The following FER variants were observed in gnomAD, a reference collection of about 807,000 sequenced individuals.
The protein encoded by FER is FER tyrosine kinase.
A neutral mutation model predicts 111.0 loss-of-function variants in FER; 63 were observed. That is an observed-to-expected ratio of 0.57 (90% CI 0.46 to 0.70). The LOEUF (loss-of-function observed/expected upper bound fraction) is 0.70. FER is among the 30% of genes least tolerant of loss of function. The pLI, the probability that FER is intolerant of heterozygous loss-of-function variation, is 0.00. For missense variants in FER, 914 were observed against 954.0 expected, an observed-to-expected ratio of 0.96 and a Z score of 0.55; for synonymous variants, 327 against 313.9, an observed-to-expected ratio of 1.04 and a Z score of -0.44.
chr5:108,894,349 G>T, intron 9 of FER: 1 of 988,484 alleles, frequency 1.0e-6, no homozygotes, highest in Non-Finnish European at 1.3e-6. Context: ...AGCCATCACT[G>T]TTTCTGCTGC....
At position 109,188,959 on chromosome 5, in the gene FER, TAGAC is replaced by T. The variant is rs886801098; in HGVS notation, c.*1387_*1390del. 6.6e-6 allele frequency: 1 copy of T among 152,184 alleles called. No individual in the cohort carries two copies. Among genetic ancestry groups the T allele is most frequent in the Non-Finnish European group, 1.5e-5 (1 of 68,034 alleles). The allele number at this position is 152,184 out of a possible 1,614,324, so 9.4% of individuals were successfully genotyped here. On this transcript the variant is annotated 3_prime_UTR_variant, in exon 20 of 20. Transcript: ENST00000281092. ...AGGTGCAAGACAGATGTGAATGAAG[TAGAC>T]AGTCTAGAAGTCAGGTGAATATTAA...
chr5:108,775,741 G>C (rs1753418099), intron 2 of FER, among the ~76,000 whole-genome samples: 1 of 152,046 alleles, frequency 6.6e-6, no homozygotes, highest in Non-Finnish European at 1.5e-5. Flanking sequence ...AGCATAGGAG[G>C]AGTTTTAAAT....
intron 1 of FER, among the ~76,000 whole-genome samples, chr5:108,764,397 A>G (rs1198019500): frequency 6.6e-6 from 1 of 151,798 alleles, no homozygotes. Context: ...TAATTTTATT[A>G]TTTATTTATT....
At chr5:109,184,988 A>ATCTT (rs1758700757) in intron 18 of FER, among the ~76,000 whole-genome samples, 1 of 152,240 alleles carries the variant, frequency 6.6e-6, no homozygotes, top group South Asian at 2.1e-4. Flanking sequence ...AACTTAAGAA[A>ATCTT]TCTTTAACAC....
intron 9 of FER, 23 bp from the exon 10 acceptor site, chr5:108,897,636 C>G: frequency 2.0e-6 from 3 of 1,482,446 alleles, no homozygotes; most frequent in South Asian, 2.9e-5. Flanking sequence ...AAGTTGAAAT[C>G]ATTTATATTT....
At chr5:108,916,646 C>T (rs1206063509) in intron 10 of FER, among the ~76,000 whole-genome samples, 1 of 151,898 alleles carries the variant, frequency 6.6e-6, no homozygotes, top group Non-Finnish European at 1.5e-5. Flanking sequence ...ATATAGTGAA[C>T]CTTTTCCAAT....
chr5:109,134,103 A>G (rs796132525), intron 17 of FER, among the ~76,000 whole-genome samples: 40 of 152,254 alleles, frequency 2.6e-4, no homozygotes, highest in African/African-American at 8.9e-4. Context: ...AAAGGATAAA[A>G]GAATGTTTCC....
chr5:108,786,016 G>A (rs1754678355), intron 2 of FER, among the ~76,000 whole-genome samples: 1 of 152,208 alleles, frequency 6.6e-6, no homozygotes, highest in African/African-American at 2.4e-5. Flanking sequence ...ACCACAAGCT[G>A]GGTTTTCCTT....
intron 11 of FER, among the ~76,000 whole-genome samples, chr5:108,947,802 A>G (rs1757182268): frequency 6.6e-6 from 1 of 151,692 alleles, no homozygotes; most frequent in African/African-American, 2.4e-5. Context: ...TTAGAGTTTT[A>G]TTCTTCCACT....
intron 17 of FER, among the ~76,000 whole-genome samples, chr5:109,174,856 A>G (rs1757513284): frequency 6.6e-6 from 1 of 152,196 alleles, no homozygotes; most frequent in African/African-American, 2.4e-5. Flanking sequence ...GAAGCATAGT[A>G]GGTGGCTAAA....
intron 5 of FER, among the ~76,000 whole-genome samples, chr5:108,844,144 G>GTGTGTGAACACA (rs144419600): frequency 1.1e-5 from 1 of 91,828 alleles, no homozygotes; most frequent in African/African-American, 4.5e-5. Context: ...GAACATATAT[G>GTGTGTGAACACA]TGTGTGTGAA....
intron 17 of FER, among the ~76,000 whole-genome samples, chr5:109,137,687 C>T (rs1355856322): frequency 6.6e-6 from 1 of 152,078 alleles, no homozygotes; most frequent in Non-Finnish European, 1.5e-5. Context: ...GAAAGATAGG[C>T]GGGTTGGTGT....
At chr5:108,996,731 C>T (rs1764029662) in intron 13 of FER, among the ~76,000 whole-genome samples, 1 of 152,084 alleles carries the variant, frequency 6.6e-6, no homozygotes, top group South Asian at 2.1e-4. Context: ...CTAGGATTGT[C>T]TTGGCTGTGT....
intron 9 of FER, among the ~76,000 whole-genome samples, chr5:108,889,842 G>T (rs1201561132): frequency 1.3e-5 from 2 of 151,804 alleles, no homozygotes; most frequent in Non-Finnish European, 2.9e-5. Context: ...CACCTCACCA[G>T]AGGAAGCGTG....
At chr5:108,843,320 G>A (rs1185492938) in intron 5 of FER, among the ~76,000 whole-genome samples, 3 of 152,046 alleles carry the variant, frequency 2.0e-5, no homozygotes, top group Admixed American at 2.0e-4. Context: ...TGAAAGAAAG[G>A]TCTCAGATGA....
chr5:109,013,342 T>G (rs1766571381), intron 13 of FER, among the ~76,000 whole-genome samples: 1 of 151,020 alleles, frequency 6.6e-6, no homozygotes, highest in Admixed American at 6.6e-5. Context: ...TGGTTTTTTG[T>G]CCTTGCGATA....
At chr5:108,885,293 G>T (rs1334711192) in intron 9 of FER, among the ~76,000 whole-genome samples, 8 of 151,796 alleles carry the variant, frequency 5.3e-5, no homozygotes, top group Non-Finnish European at 1.5e-5. Context: ...ACCTAACCTG[G>T]TTCACTCTTA....
chr5:108,989,782 T>C (rs1004177383), intron 13 of FER, among the ~76,000 whole-genome samples: 1 of 152,014 alleles, frequency 6.6e-6, no homozygotes, highest in African/African-American at 2.4e-5. Context: ...TAGTATTTCC[T>C]TTATAAAAAT....
chr5:108,876,981 A>G (rs1045245749), intron 8 of FER, among the ~76,000 whole-genome samples: 1 of 152,092 alleles, frequency 6.6e-6, no homozygotes, highest in Non-Finnish European at 1.5e-5. Context: ...ATAAATACCT[A>G]TGTACCATGC....
Sources: allele counts gnomAD v4.1 joint callset (sites outside exome capture counted in the v4.1 genomes callset), GRCh38; gene constraint gnomAD v4.1.1; transcripts MANE v1.5; gene names NCBI Gene and HGNC (gene_info 2026-07-23, HGNC 2026-07-21).